The following CNTNAP5 variants were observed in gnomAD, a reference collection of about 807,000 sequenced individuals.
The protein encoded by CNTNAP5 is contactin associated protein family member 5.
A neutral mutation model predicts 150.2 loss-of-function variants in CNTNAP5; 72 were observed. The observed-to-expected ratio is 0.48, with a 90% CI of 0.40 to 0.58. The LOEUF is 0.58. Ranked by LOEUF, CNTNAP5 falls within the 20% of genes least tolerant of loss-of-function variation. CNTNAP5 has a pLI of 0.00. For missense variants in CNTNAP5, 1,636 were observed against 1,626.2 expected (o/e 1.01, Z -0.10); for synonymous variants, 672 against 619.8 (o/e 1.08, Z -1.25).
At chr2:124,632,974 C>A (rs59741526) in intron 12 of CNTNAP5, among the ~76,000 whole-genome samples, 8 of 152,070 alleles carry the variant, frequency 5.3e-5, no homozygotes, top group African/African-American at 1.9e-4. Context: ...ATCATGAGAA[C>A]AGCACTAGGA....
chr2:124,155,072 C>A (rs62163904), intron 1 of CNTNAP5, among the ~76,000 whole-genome samples: 7 of 120,582 alleles, frequency 5.8e-5, no homozygotes, highest in Non-Finnish European at 9.8e-5. Flanking sequence ...GCAAACCATT[C>A]CCGTTTTTTT....
chr2:124,760,843 G>A (rs530058444), intron 14 of CNTNAP5, among the ~76,000 whole-genome samples: 9 of 152,006 alleles, frequency 5.9e-5, no homozygotes, highest in African/African-American at 1.9e-4. Flanking sequence ...TCATTGTTTT[G>A]TATGCATTAT....
At chr2:124,374,046 G>A (rs1234205692) in intron 3 of CNTNAP5, among the ~76,000 whole-genome samples, 1 of 151,906 alleles carries the variant, frequency 6.6e-6, no homozygotes, top group Non-Finnish European at 1.5e-5. Flanking sequence ...TATCTATGGT[G>A]GTGATATTTT....
At chr2:124,833,060 C>T (rs370292399) in intron 19 of CNTNAP5, among the ~76,000 whole-genome samples, 3 of 151,904 alleles carry the variant, frequency 2.0e-5, no homozygotes, top group Middle Eastern at 3.2e-3. Flanking sequence ...CAGATGGACA[C>T]CACCACTCCC....
chr2:124,025,511 T>A lies in CNTNAP5; in HGVS notation c.-140T>A. On this transcript the variant is annotated 5_prime_UTR_variant, in exon 1 of 24. The change abolishes an upstream ATG in the 5' untranslated region. Transcript: ENST00000682447. ...TTCGGTGGAGCGTCTGGGCACGGGA[T>A]GGAGTGAAAGAGCGAGTGCCTCTCC... 1.5e-6 allele frequency: 1 copy of A among 681,538 alleles called. No individual in the cohort carries two copies. The highest frequency in any genetic ancestry group is 2.6e-6 in the Non-Finnish European group (1 of 382,088). 42.2% of individuals were successfully genotyped at this position (681,538 alleles called of 1,614,324 possible). A position where few individuals can be genotyped will look rare whatever the true frequency, so the allele number is the denominator to read the frequency against.
intron 8 of CNTNAP5, among the ~76,000 whole-genome samples, chr2:124,511,768 C>A (rs1481792146): frequency 6.6e-6 from 1 of 152,134 alleles, no homozygotes; most frequent in African/African-American, 2.4e-5. Context: ...TACCCAACTC[C>A]CAAAACTCTG....
chr2:124,120,581 T>C (rs1683537263), intron 1 of CNTNAP5, among the ~76,000 whole-genome samples: 1 of 152,186 alleles, frequency 6.6e-6, no homozygotes, highest in African/African-American at 2.4e-5. Context: ...ATGTCTTAAC[T>C]AGGGTGCAGA....
intron 10 of CNTNAP5, among the ~76,000 whole-genome samples, chr2:124,538,821 A>G (rs558570827): frequency 6.6e-6 from 1 of 152,312 alleles, no homozygotes; most frequent in East Asian, 1.9e-4. Context: ...TCATAAATTA[A>G]TGAAAAGAAT....
intron 1 of CNTNAP5, among the ~76,000 whole-genome samples, chr2:124,046,162 G>A (rs1448399293): frequency 2.0e-5 from 3 of 152,056 alleles, no homozygotes; most frequent in Non-Finnish European, 2.9e-5. Flanking sequence ...AGCACCTGAC[G>A]GAGTGAGTGT....
chr2:124,052,285 T>C (rs1681716472), intron 1 of CNTNAP5, among the ~76,000 whole-genome samples: 3 of 152,166 alleles, frequency 2.0e-5, no homozygotes, highest in Admixed American at 2.0e-4. Context: ...TTCAAGCTAG[T>C]ATTGACTGAA....
chr2:124,875,627 T>C (rs1197145971), intron 21 of CNTNAP5, among the ~76,000 whole-genome samples: 1 of 152,020 alleles, frequency 6.6e-6, no homozygotes, highest in Non-Finnish European at 1.5e-5. Context: ...ATTTAGCATA[T>C]ACTCAAGAAA....
intron 19 of CNTNAP5, among the ~76,000 whole-genome samples, chr2:124,854,477 G>T (rs1677302974): frequency 6.6e-6 from 1 of 152,236 alleles, no homozygotes. Flanking sequence ...ATACAGAGTA[G>T]GCACATCAGA....
At chr2:124,676,724 T>C (rs1678947248) in intron 13 of CNTNAP5, among the ~76,000 whole-genome samples, 1 of 152,154 alleles carries the variant, frequency 6.6e-6, no homozygotes, top group Non-Finnish European at 1.5e-5. Context: ...GCCATGGAGC[T>C]AAGTGAAGAA....
At chr2:124,295,735 A>G (rs1688412367) in intron 3 of CNTNAP5, among the ~76,000 whole-genome samples, 1 of 112,214 alleles carries the variant, frequency 8.9e-6, no homozygotes, top group South Asian at 3.4e-4. Context: ...ATTTCTAAAC[A>G]AAAGGTGGAT....
intron 1 of CNTNAP5, among the ~76,000 whole-genome samples, chr2:124,129,637 A>G (rs1683798563): frequency 6.6e-6 from 1 of 152,230 alleles, no homozygotes. Flanking sequence ...AGATGGTATT[A>G]AATATTTCCT....
intron 1 of CNTNAP5, among the ~76,000 whole-genome samples, chr2:124,079,889 T>C (rs544267638): frequency 6.8e-4 from 104 of 152,300 alleles, no homozygotes; most frequent in Non-Finnish European, 1.0e-3. Context: ...TAGCCAGATA[T>C]GTTTCAGTCT....
At chr2:124,450,169 G>A (rs1013440938) in intron 6 of CNTNAP5, among the ~76,000 whole-genome samples, 10 of 151,830 alleles carry the variant, frequency 6.6e-5, no homozygotes, top group African/African-American at 1.5e-4. Context: ...GACAACAGTC[G>A]TGTCTTTGTG....
chr2:124,425,816 G>A (rs1410765270), intron 4 of CNTNAP5, among the ~76,000 whole-genome samples: 1 of 152,110 alleles, frequency 6.6e-6, no homozygotes, highest in Non-Finnish European at 1.5e-5. Flanking sequence ...TCACGTCTTT[G>A]TTATCTTTGT....
Position 124,475,685 on chromosome 2 carries a change from C to G in CNTNAP5, c.1062+803C>G, listed in dbSNP as rs139456375. Among the ~76,000 whole-genome samples, 6 of 152,112 alleles carry G rather than the reference C, an allele frequency of 3.9e-5. No individual in the cohort carries two copies. In the East Asian group the frequency reaches 1.2e-3, roughly 29 times the overall value. On this transcript the variant is annotated intron_variant, in intron 7 of 23. Transcript: ENST00000682447. ...TAACTCTCTTTGCTCTGAAGTGTGT[C>G]TGATGTTAATATAGCCACTCTTGCT...
Sources: allele counts gnomAD v4.1 joint callset (sites outside exome capture counted in the v4.1 genomes callset), GRCh38; gene constraint gnomAD v4.1.1; transcripts MANE v1.5; gene names NCBI Gene and HGNC (gene_info 2026-07-23, HGNC 2026-07-21).